Variants in ZBTB8A observed in about 807,000 individuals in gnomAD.
ZBTB8A encodes the protein zinc finger and BTB domain-containing protein 8A.
Under a neutral mutation model 37.8 loss-of-function variants are expected in ZBTB8A, and 19 were observed. That is an observed-to-expected ratio of 0.50 (90% CI 0.35 to 0.74). The LOEUF (loss-of-function observed/expected upper bound fraction) is 0.74. Among genes scored for constraint, ZBTB8A ranks in the 30% least tolerant of loss-of-function variants. ZBTB8A has a pLI of 0.01. For synonymous variants in ZBTB8A, 181 were observed against 185.2 expected (o/e 0.98, Z 0.19); for missense variants, 394 against 537.8 (o/e 0.73, Z 2.65).
At chr1:32,572,593 G>A (rs966741009) in intron 2 of ZBTB8A, among the ~76,000 whole-genome samples, 3 of 151,698 alleles carry the variant, frequency 2.0e-5, no homozygotes, top group African/African-American at 7.3e-5. Context: ...ATGGGGTTTC[G>A]CCATGTTGGC....
chr1:32,548,482 C>T (rs2148214545), intron 1 of ZBTB8A, among the ~76,000 whole-genome samples: 1 of 152,082 alleles, frequency 6.6e-6, no homozygotes, highest in South Asian at 2.1e-4. Context: ...TTACAGGCAC[C>T]CGCCATCATG....
At chr1:32,549,547 T>A (rs1644134276) in intron 1 of ZBTB8A, among the ~76,000 whole-genome samples, 1 of 151,472 alleles carries the variant, frequency 6.6e-6, no homozygotes, top group African/African-American at 2.4e-5. Context: ...ATCAGGAGGC[T>A]GCCAATGACA....
Position 32,593,155 on chromosome 1 carries a change from C to G in ZBTB8A, c.224C>G (p.Thr75Ser). The G allele has an allele frequency of 6.2e-7, 1 of 1,614,198 alleles. No homozygotes were observed. Among genetic ancestry groups the G allele is most frequent in the East Asian group, 2.2e-5 (1 of 44,882 alleles). Residue 75 changes from threonine (T) to serine (S), a missense_variant, in exon 3 of 5, where the codon ACT becomes AGT. Thr to Ser is a moderately conservative substitution (Grantham distance 58, BLOSUM62 1). Coordinates refer to ENST00000373510, the MANE Select transcript of ZBTB8A (RefSeq NM_001040441.3). ...TATFQAFSPDTFTVILDFVYS... is the reference protein window; with the variant it reads ...TATFQAFSPDSFTVILDFVYS... ...ACATTTCAGGCTTTCTCCCCTGACACTTTTACAGTTATCTTGGACTTCGTA... is the reference window on the plus strand; with the variant it reads ...ACATTTCAGGCTTTCTCCCCTGACAGTTTTACAGTTATCTTGGACTTCGTA...
At chr1:32,568,227 C>T (rs1644298652) in intron 2 of ZBTB8A, among the ~76,000 whole-genome samples, 1 of 152,106 alleles carries the variant, frequency 6.6e-6, no homozygotes, top group African/African-American at 2.4e-5. Context: ...GACATATGTT[C>T]ATATGTAATA....
intron 3 of ZBTB8A, among the ~76,000 whole-genome samples, chr1:32,594,207 AAG>A (rs1352479116): frequency 4.5e-4 from 68 of 151,474 alleles, no homozygotes; most frequent in Middle Eastern, 3.4e-3. Flanking sequence ...AAAACAAAAA[AAG>A]AAGAAATTCA....
At chr1:32,580,230 C>CA (rs959648675) in intron 2 of ZBTB8A, among the ~76,000 whole-genome samples, 4 of 151,538 alleles carry the variant, frequency 2.6e-5, no homozygotes, top group Non-Finnish European at 4.4e-5. Flanking sequence ...GACTCCATCT[C>CA]AAAAAAACAA....
At chr1:32,565,435 C>T (rs1293121162) in intron 2 of ZBTB8A, among the ~76,000 whole-genome samples, 1 of 152,062 alleles carries the variant, frequency 6.6e-6, no homozygotes, top group Admixed American at 6.6e-5. Flanking sequence ...TGGAGGATTG[C>T]TTGAGGCTGG....
intron 2 of ZBTB8A, among the ~76,000 whole-genome samples, chr1:32,570,667 A>G (rs563045720): frequency 1.8e-4 from 27 of 152,132 alleles, no homozygotes; most frequent in Non-Finnish European, 2.6e-4. Flanking sequence ...GCTCTTACGA[A>G]TGCATTGTTT....
intron 2 of ZBTB8A, among the ~76,000 whole-genome samples, chr1:32,578,472 C>CA (rs1245599790): frequency 6.6e-6 from 1 of 152,012 alleles, no homozygotes; most frequent in Non-Finnish European, 1.5e-5. Context: ...CTTGGCCTCC[C>CA]AAAGTGCTGA....
intron 2 of ZBTB8A, among the ~76,000 whole-genome samples, chr1:32,589,691 AG>A (rs1436254614): frequency 6.6e-6 from 1 of 151,844 alleles, no homozygotes; most frequent in Non-Finnish European, 1.5e-5. Flanking sequence ...CTGGGATTAC[AG>A]GTAGGCACCG....
At chr1:32,588,832 A>G (rs1489460225) in intron 2 of ZBTB8A, among the ~76,000 whole-genome samples, 2 of 151,962 alleles carry the variant, frequency 1.3e-5, no homozygotes, top group Non-Finnish European at 2.9e-5. Flanking sequence ...AAAAATACAA[A>G]AATTAGCTGG....
At chr1:32,568,018 T>C (rs1394456372) in intron 2 of ZBTB8A, among the ~76,000 whole-genome samples, 1 of 151,478 alleles carries the variant, frequency 6.6e-6, no homozygotes, top group Non-Finnish European at 1.5e-5. Flanking sequence ...GGCACACACT[T>C]GTAATCCCAG....
At chr1:32,552,135 G>C (rs7542646) in intron 1 of ZBTB8A, among the ~76,000 whole-genome samples, 17,276 of 152,076 alleles carry the variant, frequency 0.11, 1,076 homozygotes, top group African/African-American at 0.18. Flanking sequence ...AGGCCGAAGT[G>C]GGGGGATCGC....
intron 2 of ZBTB8A, 35 bp from the exon 3 acceptor site, chr1:32,592,896 G>A (rs768497996): frequency 1.3e-6 from 2 of 1,515,712 alleles, no homozygotes; most frequent in African/African-American, 1.4e-5. Flanking sequence ...TTGTAATGTA[G>A]GTTTTGGTAA....
intron 2 of ZBTB8A, among the ~76,000 whole-genome samples, chr1:32,588,804 T>C (rs1245660040): frequency 6.6e-6 from 1 of 151,860 alleles, no homozygotes; most frequent in African/African-American, 2.4e-5. Flanking sequence ...GCCAACATGG[T>C]GAAACCCCAT....
At chr1:32,590,917 G>A (rs562516765) in intron 2 of ZBTB8A, among the ~76,000 whole-genome samples, 1 of 150,870 alleles carries the variant, frequency 6.6e-6, no homozygotes, top group South Asian at 2.1e-4. Context: ...TTTTTAATAC[G>A]GAGTCTCACT....
At position 32,599,768 on chromosome 1, in the gene ZBTB8A, G is replaced by T. The variant is rs1644561472; in HGVS notation, c.994-319G>T. 3.3e-5 allele frequency among the ~76,000 whole-genome samples: 5 copies of T among 151,680 alleles called. No homozygotes were observed. In the South Asian group the frequency reaches 1.0e-3, roughly 32 times the overall value. ...AATAAAAATAATTAAATAAGTACAT[G>T]GCACATAGTGTTTGCAATTATTATT... On this transcript the variant is annotated intron_variant, in intron 4 of 4. Coordinates refer to ENST00000373510, the MANE Select transcript of ZBTB8A (RefSeq NM_001040441.3).
At position 32,563,490 on chromosome 1, in the gene ZBTB8A, T is replaced by A. The variant is rs183551802; in HGVS notation, c.-2+9950T>A. ...TTTTTTTCTTTTTTTTGAAACAAGG[T>A]CTCACTTTGTCACCCAGGCTGGAGT... On this transcript the variant is annotated intron_variant, in intron 2 of 4. Transcript: ENST00000373510. Among the ~76,000 whole-genome samples the A allele has an allele frequency of 4.3e-4, 66 of 152,140 alleles. No individual in the cohort carries two copies. In the South Asian group the frequency reaches 5.4e-3, roughly 12 times the overall value.
chr1:32,548,697 C>G (rs1557700917), intron 1 of ZBTB8A, among the ~76,000 whole-genome samples: 1 of 152,158 alleles, frequency 6.6e-6, no homozygotes. Context: ...ATTTTGTACT[C>G]ATTGAAAGCA....
Sources: allele counts gnomAD v4.1 joint callset (sites outside exome capture counted in the v4.1 genomes callset), GRCh38; gene constraint gnomAD v4.1.1; transcripts MANE v1.5; gene names NCBI Gene and HGNC (gene_info 2026-07-23, HGNC 2026-07-21).